The following PLCZ1 variants were observed in gnomAD, a reference collection of about 807,000 sequenced individuals.
PLCZ1 encodes the protein 1-phosphatidylinositol 4,5-bisphosphate phosphodiesterase zeta-1.
In PLCZ1, 64 loss-of-function variants were observed where a neutral mutation model predicts 76.8. The ratio of observed to expected loss-of-function variants is 0.83; its 90% CI spans 0.68 to 1.03. The LOEUF (loss-of-function observed/expected upper bound fraction) is 1.03, where lower values mean the gene tolerates loss of function less well. Ranked by LOEUF, PLCZ1 falls within the 50% of genes least tolerant of loss-of-function variation. The probability of loss-of-function intolerance (pLI) is 0.00; values close to 1 mark genes in which losing one functional copy is unlikely to be tolerated. For missense variants in PLCZ1, 751 were observed against 713.7 expected (o/e 1.05, Z -0.60); for synonymous variants, 248 against 230.8 (o/e 1.07, Z -0.68).
downstream of PLCZ1, among the ~76,000 whole-genome samples, chr12:18,681,946 G>A (rs147930442): frequency 6.3e-3 from 964 of 152,098 alleles, 9 homozygotes; most frequent in African/African-American, 0.022. Flanking sequence ...GATTAGGGAA[G>A]GGTAAAGCGT....
At chr12:18,666,489 TATATA>T in the PLCZ1 span, among the ~76,000 whole-genome samples, 1 of 152,134 alleles carries the variant, frequency 6.6e-6, no homozygotes, top group South Asian at 2.1e-4. Context: ...AGAAGGACAT[TATATA>T]ATATAAAAGT....
At chr12:18,720,870 A>T (rs1958400213) in intron 4 of PLCZ1, among the ~76,000 whole-genome samples, 1 of 152,146 alleles carries the variant, frequency 6.6e-6, no homozygotes, top group Non-Finnish European at 1.5e-5. Flanking sequence ...ATTAAGAATA[A>T]TGTATCATAA....
intron 12 of PLCZ1, chr12:18,692,970 T>C: frequency 7.0e-7 from 1 of 1,435,008 alleles, no homozygotes; most frequent in Non-Finnish European, 9.8e-7. Flanking sequence ...ATTACTGAAG[T>C]TAGAGAGAAT....
At position 18,713,050 on chromosome 12, in the gene PLCZ1, TAA is replaced by T. The variant is rs1957526170; in HGVS notation, c.570-66_570-65del. On this transcript the variant is annotated intron_variant, in intron 5 of 14. Coordinates refer to ENST00000266505, the MANE Select transcript of PLCZ1 (RefSeq NM_033123.4). ...CCATTAAAAATATATACCAAAGTAT[TAA>T]AATATTCCAAAGACCATTTGATTTT... 7 of 1,579,518 alleles carry T rather than the reference TAA, an allele frequency of 4.4e-6. No individual in the cohort carries two copies. In the East Asian group the frequency reaches 1.6e-4, roughly 36 times the overall value.
Position 18,737,590 on chromosome 12 carries a change from G to A in PLCZ1, c.-138-81C>T, listed in dbSNP as rs1361528482. On this transcript the variant is annotated intron_variant, in intron 1 of 14. Transcript: ENST00000266505. ...TAGCTCACACTTAACCATAGAAACA[G>A]TATGCAAGATGTGGTACCTGCACTA... is the stretch of plus-strand genomic sequence containing the variant. 1.6e-5 allele frequency: 11 copies of A among 678,818 alleles called. No individual in the cohort carries two copies. The East Asian group carries it at 2.8e-4, about 17-fold the overall frequency. The allele number at this position is 678,818 out of a possible 1,614,324, so 42.0% of individuals were successfully genotyped here. A position where few individuals can be genotyped will look rare whatever the true frequency, so the allele number is the denominator to read the frequency against.
chr12:18,723,419 G>T lies in PLCZ1; in HGVS notation c.259C>A (p.Leu87Ile), dbSNP rs188614103. The T allele has an allele frequency of 1.2e-6, 2 of 1,612,896 alleles. No homozygotes were observed. Among genetic ancestry groups the T allele is most frequent in the East Asian group, 2.2e-5 (1 of 44,760 alleles). The part of the protein sequence containing the change: ...FNTYSENRKI[L>I]LASNLAQFLT... ...AATTGAGCCAGATTACTTGCTAAAA[G>T]AATTTTCCGGTTTTCAGAATATGTG... The change falls in exon 4 of 15, where the codon CTT (leucine) becomes ATT (isoleucine). Residue 87 changes from leucine (L) to isoleucine (I), a missense_variant. Physicochemically the swap from Leu to Ile is conservative, Grantham distance 5 (BLOSUM62 2). Coordinates refer to ENST00000266505, the MANE Select transcript of PLCZ1 (RefSeq NM_033123.4).
the PLCZ1 span, among the ~76,000 whole-genome samples, chr12:18,650,331 CTA>C: frequency 3.5e-4 from 32 of 91,976 alleles, no homozygotes; most frequent in South Asian, 1.3e-3. Flanking sequence ...CTCTCTCTCT[CTA>C]TATATATATA....
intron 12 of PLCZ1, among the ~76,000 whole-genome samples, chr12:18,694,510 C>G (rs933984341): frequency 2.0e-5 from 3 of 152,058 alleles, no homozygotes; most frequent in African/African-American, 7.2e-5. Flanking sequence ...ATTGTGGAGA[C>G]TGAGGAAAAG....
intron 6 of PLCZ1, among the ~76,000 whole-genome samples, chr12:18,706,243 T>TAAAAAA (rs569026263): frequency 6.6e-5 from 8 of 120,734 alleles, no homozygotes; most frequent in African/African-American, 2.9e-5. Flanking sequence ...AAAATAAAAA[T>TAAAAAA]AAAAAAAAAA....
the PLCZ1 span, among the ~76,000 whole-genome samples, chr12:18,669,816 C>T: frequency 1.3e-5 from 2 of 152,080 alleles, no homozygotes; most frequent in African/African-American, 4.8e-5. Flanking sequence ...TGCCACCATG[C>T]CTGGCTAATT....
At chr12:18,654,181 A>G in the PLCZ1 span, among the ~76,000 whole-genome samples, 1 of 152,046 alleles carries the variant, frequency 6.6e-6, no homozygotes, top group Non-Finnish European at 1.5e-5. Flanking sequence ...GCTGGAAGAG[A>G]TAACTATAAA....
intron 9 of PLCZ1, 133 bp downstream of exon 9, chr12:18,701,368 A>C (rs1362267688): frequency 1.4e-6 from 2 of 1,470,764 alleles, no homozygotes; most frequent in Admixed American, 2.4e-5. Context: ...TTTTCAAAGT[A>C]AATTGTAAAT....
At chr12:18,692,708 T>G in intron 12 of PLCZ1, 1 of 777,804 alleles carries the variant, frequency 1.3e-6, no homozygotes, top group Non-Finnish European at 2.1e-6. Flanking sequence ...AAATACAGAC[T>G]TTGAATCATC....
At chr12:18,733,570 A>G (rs1376803653) in intron 3 of PLCZ1, among the ~76,000 whole-genome samples, 1 of 151,896 alleles carries the variant, frequency 6.6e-6, no homozygotes, top group East Asian at 1.9e-4. Flanking sequence ...CTTTTTTCCT[A>G]TTTTCTTCTA....
intron 14 of PLCZ1, 34 bp from the exon 15 acceptor site, chr12:18,683,358 A>T (rs373440175): frequency 9.0e-5 from 144 of 1,598,070 alleles, no homozygotes; most frequent in Non-Finnish European, 1.2e-4. Flanking sequence ...TAGACCAATA[A>T]CCAATTAATC....
chr12:18,727,103 T>C (rs557431496), intron 3 of PLCZ1, among the ~76,000 whole-genome samples: 41 of 151,980 alleles, frequency 2.7e-4, no homozygotes, highest in African/African-American at 9.4e-4. Context: ...CCCCAAGCTT[T>C]GGGAAGTCAA....
chr12:18,712,600 T>TAC (rs1027326845), intron 6 of PLCZ1, among the ~76,000 whole-genome samples: 2 of 151,962 alleles, frequency 1.3e-5, no homozygotes, highest in African/African-American at 2.4e-5. Flanking sequence ...TGTGAAACAA[T>TAC]ACACACACAC....
intron 10 of PLCZ1, among the ~76,000 whole-genome samples, chr12:18,697,553 C>T (rs1003382753): frequency 2.6e-5 from 4 of 152,022 alleles, no homozygotes; most frequent in African/African-American, 7.2e-5. Context: ...AGAAAATAAA[C>T]ATGTTTGTTA....
rs562637846 is a variant in PLCZ1 at position 18,698,929 on chromosome 12, A to C, written c.1174+865T>G. On this transcript the variant is annotated intron_variant, in intron 10 of 14. Coordinates refer to ENST00000266505, the MANE Select transcript of PLCZ1 (RefSeq NM_033123.4). The stretch of plus-strand genomic sequence containing the variant: ...TCCTTACTTCCCCCATACCCCTGCT[A>C]CTAAAAAAAACTGCCATTTTTTGAG... 5.3e-5 allele frequency among the ~76,000 whole-genome samples: 8 copies of C among 152,234 alleles called. No individual in the cohort carries two copies. In the South Asian group the frequency reaches 1.7e-3, roughly 32 times the overall value.
Sources: gnomAD v4.1 joint callset for allele counts (sites outside exome capture counted in the v4.1 genomes callset) on GRCh38, gnomAD v4.1.1 for gene constraint, MANE v1.5 for transcripts, NCBI Gene and HGNC (gene_info 2026-07-23, HGNC 2026-07-21) for gene names.